SCUBE1: variants seen among roughly 807,000 people sequenced by gnomAD.
SCUBE1 encodes the protein signal peptide, CUB domain and EGF like domain containing 1.
In SCUBE1, 59 loss-of-function variants were observed where a neutral mutation model predicts 124.4. That is an observed-to-expected ratio of 0.47 (90% CI 0.38 to 0.59). The LOEUF is 0.59. SCUBE1 is among the 20% of genes least tolerant of loss of function. The pLI is 0.00. For synonymous variants in SCUBE1, 545 were observed against 550.9 expected (o/e 0.99, Z 0.15); for missense variants, 1,150 against 1,371.2 (o/e 0.84, Z 2.55).
At position 43,204,152 on chromosome 22, in the gene SCUBE1, G is replaced by GTTC; in HGVS notation, c.2815-4_2815-3insGAA. The GTTC allele has an allele frequency of 6.2e-7, 1 of 1,613,748 alleles. No homozygotes were observed. Among genetic ancestry groups the GTTC allele is most frequent in the Non-Finnish European group, 8.5e-7 (1 of 1,179,904 alleles). On this transcript the variant is annotated splice_region_variant and splice_polypyrimidine_tract_variant and intron_variant, in intron 21 of 21. Coordinates refer to ENST00000360835, the MANE Select transcript of SCUBE1 (RefSeq NM_173050.5). ...AGGGCCTTGATCAGCTTCTTGTCCT[G>GTTC]TAAGATAGAGTGGGTGGGAGGCAGG...
intron 7 of SCUBE1, among the ~76,000 whole-genome samples, chr22:43,235,555 G>C (rs1922725472): frequency 6.6e-6 from 1 of 152,164 alleles, no homozygotes; most frequent in African/African-American, 2.4e-5. Context: ...AGGGGGAAGA[G>C]GAAACAGGCG....
chr22:43,318,670 C>A (rs1926435307), intron 3 of SCUBE1, among the ~76,000 whole-genome samples: 1 of 152,218 alleles, frequency 6.6e-6, no homozygotes, highest in South Asian at 2.1e-4. Context: ...CTGCCAATTT[C>A]TTCTCCCTAC....
chr22:43,222,675 G>A lies in SCUBE1; in HGVS notation c.1395C>T (p.Arg465=), dbSNP rs1199732575. 1 of 1,604,002 alleles carries A rather than the reference G, an allele frequency of 6.2e-7. No homozygotes were observed. The highest frequency in any genetic ancestry group is 1.1e-5 in the South Asian group (1 of 89,178). Residue 465 remains arginine, a synonymous_variant, in exon 12 of 22, where the codon CGC becomes CGT. Transcript: ENST00000360835. ...GCCCGAGGCCAGAGCTGGTGCCGTT[G>A]CGTTTCTGCAGCGCCTTGCCCTGCG... ...PGPQGKALQK[R]NGTSSGLGPS...
At chr22:43,256,360 G>C (rs1923660492) in intron 6 of SCUBE1, among the ~76,000 whole-genome samples, 3 of 152,222 alleles carry the variant, frequency 2.0e-5, no homozygotes, top group South Asian at 4.1e-4. Context: ...TCCTGTGGAG[G>C]GGCAGGTGAG....
chr22:43,254,326 G>A (rs1019171393), intron 6 of SCUBE1, among the ~76,000 whole-genome samples: 4 of 152,212 alleles, frequency 2.6e-5, no homozygotes, highest in Admixed American at 1.3e-4. Context: ...AAGCCCCTAA[G>A]GAGTGGGCAG....
intron 6 of SCUBE1, among the ~76,000 whole-genome samples, chr22:43,241,942 C>T (rs2146689313): frequency 6.6e-6 from 1 of 152,376 alleles, no homozygotes; most frequent in Non-Finnish European, 1.5e-5. Context: ...CTCACCTCTT[C>T]CCGCTTCGGG....
At chr22:43,289,377 C>T (rs1925269769) in intron 4 of SCUBE1, among the ~76,000 whole-genome samples, 1 of 152,198 alleles carries the variant, frequency 6.6e-6, no homozygotes, top group South Asian at 2.1e-4. Context: ...CTCCTGATGC[C>T]CGGGAGCCAC....
chr22:43,296,613 G>A (rs1053983955), intron 3 of SCUBE1, among the ~76,000 whole-genome samples: 2 of 152,190 alleles, frequency 1.3e-5, no homozygotes, highest in African/African-American at 4.8e-5. Flanking sequence ...AGTGGAGAGC[G>A]GGCCCTCCAT....
intron 4 of SCUBE1, among the ~76,000 whole-genome samples, chr22:43,269,907 T>C (rs1924227089): frequency 6.6e-6 from 1 of 152,146 alleles, no homozygotes; most frequent in South Asian, 2.1e-4. Flanking sequence ...GAGATGATGA[T>C]GACAACAGTG....
intron 3 of SCUBE1, among the ~76,000 whole-genome samples, chr22:43,314,449 C>T (rs750230823): frequency 4.6e-5 from 7 of 152,078 alleles, no homozygotes; most frequent in Admixed American, 1.3e-4. Context: ...CTTTGGGGGT[C>T]CCTGTTCTGC....
intron 2 of SCUBE1, among the ~76,000 whole-genome samples, chr22:43,326,398 C>A (rs192384039): frequency 6.6e-6 from 1 of 151,964 alleles, no homozygotes; most frequent in African/African-American, 2.4e-5. Flanking sequence ...AATCTTAATC[C>A]GGTTTGTTGG....
intron 12 of SCUBE1, among the ~76,000 whole-genome samples, 156 bp downstream of exon 12, chr22:43,222,482 G>A (rs556424336): frequency 1.3e-5 from 2 of 152,330 alleles, no homozygotes; most frequent in Admixed American, 6.5e-5. Context: ...TCTAGGTCCT[G>A]GGCCTGGCTC....
At chr22:43,294,249 T>C (rs533607368) in intron 3 of SCUBE1, among the ~76,000 whole-genome samples, 224 of 152,268 alleles carry the variant, frequency 1.5e-3, no homozygotes, top group Middle Eastern at 6.8e-3. Context: ...ATCTCTTGGG[T>C]GGCTTGAGGC....
chr22:43,339,330 G>A (rs919110673), intron 1 of SCUBE1, 95 bp from the exon 2 acceptor site: 44 of 1,266,646 alleles, frequency 3.5e-5, no homozygotes, highest in South Asian at 1.3e-4. Context: ...GCCTTTGCCC[G>A]TCCATTGATC....
In SCUBE1 at chr22:43,228,865, C is replaced by G. The variant is rs1922434639; in HGVS notation, c.1084+207G>C. Among the ~76,000 whole-genome samples, 2 of 152,280 alleles carry G rather than the reference C, an allele frequency of 1.3e-5. 1 individual carries two copies. Among genetic ancestry groups the G allele is most frequent in the South Asian group, 4.1e-4 (2 of 4,836 alleles). On this transcript the variant is annotated intron_variant, in intron 9 of 21. Transcript: ENST00000360835. The stretch of plus-strand genomic sequence containing the variant: ...ACTGGCAGAGACCTGCTACCCACCT[C>G]TAACCGTTCCCTGCTACCCCTTGTC...
Position 43,230,701 on chromosome 22 carries a change from G to A in SCUBE1, c.967+1052C>T, listed in dbSNP as rs1050281205. ...AGGAGAAGACAGGGCCAGGATGCCC[G>A]TCCAGGGACGAAGAGGCTGAGCCTG... is the stretch of plus-strand genomic sequence containing the variant. On this transcript the variant is annotated intron_variant, in intron 8 of 21. Transcript: ENST00000360835. Among the ~76,000 whole-genome samples the A allele has an allele frequency of 9.8e-5, 15 of 152,348 alleles. No homozygotes were observed. The East Asian group carries it at 2.5e-3, about 25-fold the overall frequency.
chr22:43,308,530 C>G lies in SCUBE1; in HGVS notation c.349+11407G>C, dbSNP rs114118789. ...AAGTATAAAGACAAATAAACAGCAG[C>G]AACTCGAGCCTTCGTTAGGGGTTCC... On this transcript the variant is annotated intron_variant, in intron 3 of 21. Transcript: ENST00000360835. Among the ~76,000 whole-genome samples, 923 of 152,314 alleles carry G rather than the reference C, an allele frequency of 6.1e-3. 6 individuals are homozygous for G. The highest frequency in any genetic ancestry group is 0.021 in the African/African-American group (884 of 41,560).
At chr22:43,311,365 G>A (rs897223910) in intron 3 of SCUBE1, among the ~76,000 whole-genome samples, 2 of 151,310 alleles carry the variant, frequency 1.3e-5, no homozygotes, top group African/African-American at 4.9e-5. Flanking sequence ...AATTTTTTTG[G>A]AATAAACAAA....
At position 43,211,008 on chromosome 22, in the gene SCUBE1, G is replaced by A; in HGVS notation, c.2297C>T (p.Pro766Leu). The change falls in exon 18 of 22, where the codon CCC (proline) becomes CTC (leucine). Residue 766 changes from proline (P) to leucine (L), a missense_variant. Physicochemically the swap from Pro to Leu is moderately conservative, Grantham distance 98. This residue lies in a region of SCUBE1 where 757 missense variants were observed against 840.9 expected (regional missense o/e 0.90). Transcript: ENST00000360835. The surrounding 1 kb of genome is among the most constrained non-coding windows in gnomAD (Gnocchi z 4.5). ...GATGCAGTGGTTCTGGCCAAACTCG[G>A]GCTGGTAGGTGCCGACGGGGCAGCG... ...CIRCPVGTYQ[P>L]EFGQNHCITC... 2 of 1,614,128 alleles carry A rather than the reference G, an allele frequency of 1.2e-6. No homozygotes were observed. Among genetic ancestry groups the A allele is most frequent in the South Asian group, 2.2e-5 (2 of 91,088 alleles).
Sources: gnomAD v4.1 joint callset for allele counts (sites outside exome capture counted in the v4.1 genomes callset) on GRCh38, gnomAD v4.1.1 for gene constraint, gnomAD v4.1.1 regional missense constraint, Gnocchi (gnomAD v3.1) non-coding constraint, MANE v1.5 for transcripts, NCBI Gene and HGNC (gene_info 2026-07-23, HGNC 2026-07-21) for gene names.